The following ZDHHC15 variants were observed in gnomAD, a reference collection of about 807,000 sequenced individuals.
The protein encoded by ZDHHC15 is zDHHC palmitoyltransferase 15.
Under a neutral mutation model 31.7 loss-of-function variants are expected in ZDHHC15, and 19 were observed. The observed-to-expected ratio is 0.60, with a 90% CI of 0.42 to 0.88. ZDHHC15 has a LOEUF of 0.88. Among genes scored for constraint, ZDHHC15 ranks in the 40% least tolerant of loss-of-function variants. The pLI is 0.00. For synonymous variants in ZDHHC15, 103 were observed against 90.0 expected, an observed-to-expected ratio of 1.14 and a Z score of -0.82; for missense variants, 209 against 251.2, an observed-to-expected ratio of 0.83 and a Z score of 1.14.
chrX:75,419,256 A>C (rs1487599801), intron 9 of ZDHHC15, among the ~76,000 whole-genome samples: 3 of 111,987 alleles, frequency 2.7e-5, no homozygotes, highest in Non-Finnish European at 5.6e-5. Flanking sequence ...TTTACAAGAA[A>C]AAAACAAACA....
intron 10 of ZDHHC15, among the ~76,000 whole-genome samples, chrX:75,407,429 C>T (rs1255022350): frequency 1.9e-5 from 2 of 105,643 alleles, no homozygotes; most frequent in African/African-American, 6.9e-5. Flanking sequence ...CTGCCCTGCC[C>T]AGGAGGGAGG....
Position 75,522,987 on chromosome X carries a change from A to G in ZDHHC15, c.38T>C (p.Leu13Pro). Residue 13 changes from leucine to proline, a missense_variant, in exon 1 of 12, where the codon CTG becomes CCG. Physicochemically the swap from Leu to Pro is moderately conservative, Grantham distance 98 (BLOSUM62 -3). Transcript: ENST00000373367. The part of the protein sequence containing the change: ...RGWKMALSGG[L>P]RCCRRVLSWV... ...GGACAGTACCCGGCGGCAGCACCGC[A>G]GCCCCCCAGACAGAGCCATCTTCCA... 12 of 1,211,232 alleles carry G rather than the reference A, an allele frequency of 9.9e-6. 1 individual carries two copies. The highest frequency in any genetic ancestry group is 1.3e-5 in the Non-Finnish European group (12 of 895,192).
chrX:75,376,965 T>C (rs771522568), intron 11 of ZDHHC15, among the ~76,000 whole-genome samples: 1 of 111,380 alleles, frequency 9.0e-6, no homozygotes, highest in East Asian at 2.8e-4. Context: ...CATCCTTTTT[T>C]ATTTAAAAAA....
At chrX:75,407,913 C>T (rs1478436891) in intron 10 of ZDHHC15, among the ~76,000 whole-genome samples, 1 of 111,293 alleles carries the variant, frequency 9.0e-6, no homozygotes, top group African/African-American at 3.3e-5. Context: ...ACCTTACCCC[C>T]AACCCCGTGC....
Position 75,407,630 on chromosome X carries a change from G to A in ZDHHC15, c.967+9457C>T, listed in dbSNP as rs911574507. ...CACCCAGCAGCCGCCCCGTCTGGGA[G>A]GTGGGGGGCGCCTCTGCCTGGCCAC... On this transcript the variant is annotated intron_variant, in intron 10 of 11. Transcript: ENST00000373367. Among the ~76,000 whole-genome samples, 3 of 105,481 alleles carry A rather than the reference G, an allele frequency of 2.8e-5. No homozygotes were observed. In the Admixed American group the frequency reaches 3.0e-4, roughly 10 times the overall value. 91.6% of individuals were successfully genotyped at this position (105,481 alleles called of 115,157 possible). A position where few individuals can be genotyped will look rare whatever the true frequency, so the allele number is the denominator to read the frequency against.
At chrX:75,445,695 G>A (rs1244538337) in intron 4 of ZDHHC15, among the ~76,000 whole-genome samples, 1 of 111,774 alleles carries the variant, frequency 8.9e-6, no homozygotes, top group Non-Finnish European at 1.9e-5. Flanking sequence ...AGTCTTGTAG[G>A]GTATCTACTG....
At chrX:75,452,630 T>C (rs928001277) in intron 3 of ZDHHC15, among the ~76,000 whole-genome samples, 1 of 111,596 alleles carries the variant, frequency 9.0e-6, no homozygotes, top group African/African-American at 3.3e-5. Flanking sequence ...ATTGACCACA[T>C]AGTTGGAAGT....
intron 3 of ZDHHC15, among the ~76,000 whole-genome samples, chrX:75,469,652 T>C (rs2084470923): frequency 8.9e-6 from 1 of 112,144 alleles, no homozygotes; most frequent in Admixed American, 9.5e-5. Flanking sequence ...TGCTTCCACC[T>C]TTTGGCTATT....
At chrX:75,395,065 G>A (rs2083285271) in intron 10 of ZDHHC15, among the ~76,000 whole-genome samples, 1 of 111,341 alleles carries the variant, frequency 9.0e-6, no homozygotes, top group African/African-American at 3.3e-5. Flanking sequence ...GAGGAAGTTT[G>A]GAAAGTATAT....
chrX:75,382,987 C>T (rs934179896), intron 10 of ZDHHC15, among the ~76,000 whole-genome samples: 1 of 111,734 alleles, frequency 8.9e-6, no homozygotes, highest in Non-Finnish European at 1.9e-5. Flanking sequence ...TATTTTTACA[C>T]CTTCTCTTTC....
chrX:75,453,890 A>G (rs1016194795), intron 3 of ZDHHC15, among the ~76,000 whole-genome samples: 6 of 111,582 alleles, frequency 5.4e-5, no homozygotes, highest in Non-Finnish European at 9.4e-5. Context: ...AACGTGTCTC[A>G]AAATAATAAG....
intron 3 of ZDHHC15, among the ~76,000 whole-genome samples, chrX:75,470,104 G>C (rs1475694619): frequency 3.6e-5 from 4 of 111,420 alleles, no homozygotes; most frequent in Non-Finnish European, 5.6e-5. Flanking sequence ...TGCCAAAGGA[G>C]ATTAACATTT....
chrX:75,514,734 A>G (rs1225313358), intron 1 of ZDHHC15, among the ~76,000 whole-genome samples: 1 of 111,750 alleles, frequency 8.9e-6, no homozygotes, highest in Non-Finnish European at 1.9e-5. Context: ...ACACCAGGAG[A>G]TTATATCCCA....
rs183282386 is a variant in ZDHHC15, at chrX:75,508,042, T to G, written c.137-2195A>C. On this transcript the variant is annotated intron_variant, in intron 1 of 11. Transcript: ENST00000373367. ...AATAGATATAATGTGAGCCAGGTAGTTTAAATTTTCTAGTAGGAACATTTT... is the reference window on the plus strand; with the variant it reads ...AATAGATATAATGTGAGCCAGGTAGGTTAAATTTTCTAGTAGGAACATTTT... 3.0e-3 allele frequency among the ~76,000 whole-genome samples: 330 copies of G among 111,511 alleles called. 1 individual carries two copies. Among genetic ancestry groups the G allele is most frequent in the African/African-American group, 9.8e-3 (302 of 30,764 alleles).
chrX:75,495,481 C>A (rs767178256), intron 2 of ZDHHC15, among the ~76,000 whole-genome samples: 2 of 110,643 alleles, frequency 1.8e-5, no homozygotes, highest in African/African-American at 3.3e-5. Context: ...CACATGCACA[C>A]GTATGTTTAT....
At chrX:75,436,255 T>C (rs1420134270) in intron 4 of ZDHHC15, among the ~76,000 whole-genome samples, 1 of 112,165 alleles carries the variant, frequency 8.9e-6, no homozygotes, top group African/African-American at 3.2e-5. Flanking sequence ...ACTAATTGTC[T>C]ATCAATTTTA....
At chrX:75,384,305 C>A in intron 10 of ZDHHC15, 5 of 640,536 alleles carry the variant, frequency 7.8e-6, no homozygotes, top group Admixed American at 2.2e-5. Flanking sequence ...CTGGTAAATG[C>A]CCTTTTGGCT....
In ZDHHC15 at chrX:75,492,503, T is replaced by G. The variant is rs183432844; in HGVS notation, c.163+13318A>C. 5.4e-5 allele frequency among the ~76,000 whole-genome samples: 6 copies of G among 111,498 alleles called. 1 individual carries two copies. The East Asian group carries it at 1.7e-3, about 31-fold the overall frequency. On this transcript the variant is annotated intron_variant, in intron 2 of 11. Coordinates refer to ENST00000373367, the MANE Select transcript of ZDHHC15 (RefSeq NM_144969.3). ...GTTCTTCTCAGCACCACACCATACTTATTCCAAAATTGACCACATAGTTGG... is the reference window on the plus strand; with the variant it reads ...GTTCTTCTCAGCACCACACCATACTGATTCCAAAATTGACCACATAGTTGG...
chrX:75,503,908 G>T (rs935235816), intron 2 of ZDHHC15, among the ~76,000 whole-genome samples: 10 of 111,077 alleles, frequency 9.0e-5, no homozygotes, highest in African/African-American at 1.3e-4. Flanking sequence ...TCTGAAGGTT[G>T]CGGGCAATCC....
Sources: allele counts gnomAD v4.1 joint callset (sites outside exome capture counted in the v4.1 genomes callset), GRCh38; gene constraint gnomAD v4.1.1; transcripts MANE v1.5; gene names NCBI Gene and HGNC (gene_info 2026-07-23, HGNC 2026-07-21).